Variants in HDAC9 observed in about 807,000 individuals in gnomAD.
HDAC9 encodes histone deacetylase 9.
Under a neutral mutation model 139.4 loss-of-function variants are expected in HDAC9, and 41 were observed. That is an observed-to-expected ratio of 0.29 (90% CI 0.23 to 0.38). The LOEUF (loss-of-function observed/expected upper bound fraction) is 0.38. Among genes scored for constraint, HDAC9 ranks in the 10% least tolerant of loss-of-function variants. The pLI, the probability that HDAC9 is intolerant of heterozygous loss-of-function variation, is 1.00. For synonymous variants in HDAC9, 517 were observed against 476.2 expected (o/e 1.09, Z -1.12); for missense variants, 1,147 against 1,297.0 (o/e 0.88, Z 1.78).
chr7:18,563,731 C>CG (rs990379556), intron 2 of HDAC9, among the ~76,000 whole-genome samples: 5 of 151,876 alleles, frequency 3.3e-5, no homozygotes, highest in South Asian at 2.1e-4. Context: ...CCCAACCCCC[C>CG]CCATGAACTT....
chr7:18,727,245 G>C (rs1041170669), intron 12 of HDAC9, among the ~76,000 whole-genome samples: 1 of 152,182 alleles, frequency 6.6e-6, no homozygotes, highest in Non-Finnish European at 1.5e-5. Context: ...TATTCAAAAC[G>C]TTGGTATCTA....
At chr7:18,143,468 T>C (rs1786059400) in intron 1 of HDAC9, among the ~76,000 whole-genome samples, 1 of 152,158 alleles carries the variant, frequency 6.6e-6, no homozygotes, top group South Asian at 2.1e-4. Flanking sequence ...TTTAAGTATG[T>C]AAATAAGATG....
At chr7:18,189,043 T>C (rs917819397) in intron 2 of HDAC9, among the ~76,000 whole-genome samples, 1 of 152,114 alleles carries the variant, frequency 6.6e-6, no homozygotes, top group Non-Finnish European at 1.5e-5. Flanking sequence ...CAAATGTACA[T>C]GTATGTTTAT....
chr7:18,666,118 C>A, intron 11 of HDAC9, 95 bp from the exon 12 acceptor site: 1 of 1,265,580 alleles, frequency 7.9e-7, no homozygotes, highest in Non-Finnish European at 1.1e-6. Flanking sequence ...GATTAGAAAT[C>A]ACAGTGTATG....
intron 1 of HDAC9, among the ~76,000 whole-genome samples, chr7:18,149,552 T>C (rs1214813987): frequency 6.6e-6 from 1 of 150,836 alleles, no homozygotes; most frequent in East Asian, 1.9e-4. Flanking sequence ...ATTTATTATT[T>C]ATTATTATTT....
chr7:18,525,790 C>T (rs1376268252), intron 2 of HDAC9, among the ~76,000 whole-genome samples: 1 of 152,068 alleles, frequency 6.6e-6, no homozygotes, highest in African/African-American at 2.4e-5. Context: ...TATCTGTTCC[C>T]TGGAACTTAG....
At chr7:18,613,448 A>G (rs1212430341) in intron 6 of HDAC9, among the ~76,000 whole-genome samples, 1 of 152,088 alleles carries the variant, frequency 6.6e-6, no homozygotes, top group African/African-American at 2.4e-5. Flanking sequence ...AGGAGCTCAG[A>G]GTCTGGTTCT....
chr7:18,993,581 CTCT>C (rs1356877732), intron 25 of HDAC9, among the ~76,000 whole-genome samples: 2 of 152,122 alleles, frequency 1.3e-5, no homozygotes, highest in African/African-American at 4.8e-5. Context: ...GCAGGAGGAT[CTCT>C]TGAGCCCAGG....
chr7:18,177,529 G>C (rs1233623417), intron 2 of HDAC9, among the ~76,000 whole-genome samples: 1 of 152,072 alleles, frequency 6.6e-6, no homozygotes, highest in African/African-American at 2.4e-5. Flanking sequence ...TTCTTGCTTG[G>C]AGGCCTTTGA....
intron 2 of HDAC9, among the ~76,000 whole-genome samples, chr7:18,497,952 T>G (rs1429790747): frequency 6.6e-6 from 1 of 152,112 alleles, no homozygotes; most frequent in Non-Finnish European, 1.5e-5. Flanking sequence ...TACACCCATT[T>G]CAGTAGAGAT....
rs1056479611 is a variant in HDAC9 at position 18,680,748 on chromosome 7, G to A, written c.1731+14272G>A. 7.2e-5 allele frequency among the ~76,000 whole-genome samples: 11 copies of A among 152,104 alleles called. No homozygotes were observed. The East Asian group carries it at 7.8e-4, about 11-fold the overall frequency. On this transcript the variant is annotated intron_variant, in intron 12 of 25. Transcript: ENST00000686413. ...TATTTAATTTAATTAGCCCAATCAC[G>A]TGCCAGCCTTCGGGCATGTCACTCT... is the stretch of plus-strand genomic sequence containing the variant.
chr7:18,418,218 G>T (rs1293748666), intron 1 of HDAC9, among the ~76,000 whole-genome samples: 1 of 152,146 alleles, frequency 6.6e-6, no homozygotes, highest in Non-Finnish European at 1.5e-5. Context: ...GCTACTACAA[G>T]TTGAAGGCAG....
At chr7:18,898,872 T>C (rs1252974475) in intron 22 of HDAC9, among the ~76,000 whole-genome samples, 1 of 151,944 alleles carries the variant, frequency 6.6e-6, no homozygotes, top group Non-Finnish European at 1.5e-5. Flanking sequence ...GAAATGTTTT[T>C]AAATCACTTA....
At chr7:18,507,568 C>T (rs1247516243) in intron 2 of HDAC9, among the ~76,000 whole-genome samples, 1 of 151,942 alleles carries the variant, frequency 6.6e-6, no homozygotes. Flanking sequence ...CCTCTTGGGT[C>T]ATTGTAACCT....
intron 2 of HDAC9, among the ~76,000 whole-genome samples, chr7:18,239,768 G>A (rs571797748): frequency 6.6e-6 from 1 of 152,184 alleles, no homozygotes; most frequent in South Asian, 2.1e-4. Flanking sequence ...AGGAGAATGG[G>A]AATGACTTTT....
chr7:18,174,236 G>A (rs980519081), intron 2 of HDAC9, among the ~76,000 whole-genome samples: 1 of 151,936 alleles, frequency 6.6e-6, no homozygotes, highest in Admixed American at 6.5e-5. Flanking sequence ...CCACTTGATC[G>A]AATCGGCTAT....
At chr7:18,918,272 G>A (rs1465752953) in intron 22 of HDAC9, among the ~76,000 whole-genome samples, 2 of 151,678 alleles carry the variant, frequency 1.3e-5, no homozygotes, top group African/African-American at 4.8e-5. Context: ...GCTGAGGCCA[G>A]TCTCTGAGGA....
chr7:18,401,194 A>T (rs1434651100), intron 1 of HDAC9, among the ~76,000 whole-genome samples: 1 of 152,150 alleles, frequency 6.6e-6, no homozygotes, highest in Non-Finnish European at 1.5e-5. Context: ...GTGTGATATA[A>T]TTGTGATATT....
At chr7:18,428,329 G>T (rs1368215302) in intron 1 of HDAC9, among the ~76,000 whole-genome samples, 1 of 152,098 alleles carries the variant, frequency 6.6e-6, no homozygotes, top group Non-Finnish European at 1.5e-5. Context: ...TCAACAGAGT[G>T]AAAAGGCAAC....
Sources: gnomAD v4.1 joint callset for allele counts (sites outside exome capture counted in the v4.1 genomes callset) on GRCh38, gnomAD v4.1.1 for gene constraint, MANE v1.5 for transcripts, NCBI Gene and HGNC (gene_info 2026-07-23, HGNC 2026-07-21) for gene names.